LRP4: variants seen among roughly 807,000 people sequenced by gnomAD.
The protein encoded by LRP4 is low-density lipoprotein receptor-related protein 4.
Under a neutral mutation model 220.3 loss-of-function variants are expected in LRP4, and 95 were observed. The observed-to-expected ratio is 0.43, with a 90% CI of 0.37 to 0.51. The LOEUF (loss-of-function observed/expected upper bound fraction) is 0.51. LRP4 is among the 20% of genes least tolerant of loss of function. The pLI is 0.00. For missense variants in LRP4, 1,925 were observed against 2,567.0 expected (o/e 0.75, Z 5.40); for synonymous variants, 903 against 954.6 (o/e 0.95, Z 1.00).
At chr11:46,898,702 T>C in intron 6 of LRP4, 25 bp from the exon 7 acceptor site, 1 of 1,613,474 alleles carries the variant, frequency 6.2e-7, no homozygotes, top group Non-Finnish European at 8.5e-7. Context: ...GACTTCTGTC[T>C]CTAGCCAGTC....
At chr11:46,905,320 T>G (rs781112105) in intron 1 of LRP4, among the ~76,000 whole-genome samples, 5 of 152,198 alleles carry the variant, frequency 3.3e-5, no homozygotes, top group Admixed American at 6.5e-5. Context: ...GAACTCTAGC[T>G]GGATTGAACA....
chr11:46,916,698 C>T (rs915289416), intron 1 of LRP4, among the ~76,000 whole-genome samples: 20 of 151,926 alleles, frequency 1.3e-4, no homozygotes, highest in African/African-American at 4.8e-4. Context: ...CGTTTTAACC[C>T]TAATTTTTTT....
intron 37 of LRP4, 58 bp from the exon 38 acceptor site, chr11:46,859,373 T>C (rs552428836): frequency 2.4e-4 from 320 of 1,308,132 alleles, no homozygotes; most frequent in African/African-American, 1.6e-3. Flanking sequence ...AAGGATCCCA[T>C]GGTAAACTGA....
chr11:46,899,917 G>A lies in LRP4; in HGVS notation c.376C>T (p.Leu126=). 3 of 1,613,938 alleles carry A rather than the reference G, an allele frequency of 1.9e-6. No individual in the cohort carries two copies. The highest frequency in any genetic ancestry group is 2.5e-6 in the Non-Finnish European group (3 of 1,180,040). The change falls in exon 4 of 38, where the codon CTG becomes TTG. Residue 126 remains leucine, a synonymous_variant. Coordinates refer to ENST00000378623, the MANE Select transcript of LRP4 (RefSeq NM_002334.4). The surrounding 1 kb of genome is among the most constrained non-coding windows in gnomAD (Gnocchi z 5.9). ...TCATTGTCACCATCGCAGTGCCACA[G>A]ACTCCGGATGCAGTAGCCATTCTGG... ...PCQNGYCIRS[L]WHCDGDNDCG...
At chr11:46,908,858 G>C (rs1229035356) in intron 1 of LRP4, among the ~76,000 whole-genome samples, 1 of 152,226 alleles carries the variant, frequency 6.6e-6, no homozygotes, top group Non-Finnish European at 1.5e-5. Context: ...TCTTTAGTTT[G>C]TGAGCTACTT....
At chr11:46,917,759 C>A (rs1313032662) in intron 1 of LRP4, among the ~76,000 whole-genome samples, 2 of 152,128 alleles carry the variant, frequency 1.3e-5, no homozygotes, top group Non-Finnish European at 2.9e-5. Context: ...GGAGATGCTG[C>A]CCGCAAACAG....
At position 46,899,552 on chromosome 11, in the gene LRP4, C is replaced by A; in HGVS notation, c.431-49G>T. On this transcript the variant is annotated intron_variant, in intron 4 of 37. Coordinates refer to ENST00000378623, the MANE Select transcript of LRP4 (RefSeq NM_002334.4). The surrounding 1 kb of genome is among the most constrained non-coding windows in gnomAD (Gnocchi z 5.9). ...AGTTCTGAGGGGGCCCCACAGGCAA[C>A]CCTCTCACCCTCCTCTCTGACTCCC... 8.0e-7 allele frequency: 1 copy of A among 1,250,380 alleles called. No homozygotes were observed. The highest frequency in any genetic ancestry group is 1.2e-6 in the Non-Finnish European group (1 of 855,766). 77.5% of individuals were successfully genotyped at this position (1,250,380 alleles called of 1,614,324 possible).
chr11:46,874,917 G>A lies in LRP4; in HGVS notation c.4112C>T (p.Thr1371Ile). ...GACATGCACATCGGTGTGGTCACTG[G>A]TGTCCAGTGAGATACGCCGGATGGA... Reference protein sequence around the residue: ...RGSIRRISLDTSDHTDVHVPV... With the variant: ...RGSIRRISLDISDHTDVHVPV... The change falls in exon 28 of 38, where the codon ACC becomes ATC. Residue 1371 changes from threonine (T) to isoleucine (I), a missense_variant. Physicochemically the swap from Thr to Ile is moderately conservative, Grantham distance 89. This residue lies in a region of LRP4 where 1,244 missense variants were observed against 1,624.9 expected (regional missense o/e 0.77). Transcript: ENST00000378623. 2 of 1,614,186 alleles carry A rather than the reference G, an allele frequency of 1.2e-6. No individual in the cohort carries two copies. Among genetic ancestry groups the A allele is most frequent in the Non-Finnish European group, 1.7e-6 (2 of 1,180,036 alleles).
At chr11:46,900,948 A>G (rs10742785) in intron 2 of LRP4, among the ~76,000 whole-genome samples, 149,491 of 152,236 alleles carry the variant, frequency 0.98, 73,415 homozygotes, top group East Asian at 1. Context: ...TGCCACACCC[A>G]GCTATCTTTT....
intron 1 of LRP4, among the ~76,000 whole-genome samples, chr11:46,911,935 C>T (rs1490893760): frequency 6.6e-6 from 1 of 151,836 alleles, no homozygotes; most frequent in Non-Finnish European, 1.5e-5. Flanking sequence ...CTCTGCCTCC[C>T]AGGTTCAAGC....
chr11:46,918,031 T>C lies in LRP4; in HGVS notation c.52+297A>G, dbSNP rs1941976830. Among the ~76,000 whole-genome samples, 1 of 152,162 alleles carries C rather than the reference T, an allele frequency of 6.6e-6. No individual in the cohort carries two copies. Among genetic ancestry groups the C allele is most frequent in the Admixed American group, 6.5e-5 (1 of 15,290 alleles). On this transcript the variant is annotated intron_variant, in intron 1 of 37. Transcript: ENST00000378623. This position sits in a 1 kb window ranked among gnomAD's most constrained non-coding sequence, Gnocchi z 6.0. Reference sequence around the variant, plus strand: ...CCTGAAAGGGAAGCAGCCCCCGCTCTTGAAAGAGCAGCGAGGGAGGGCGAG... The same window carrying C: ...CCTGAAAGGGAAGCAGCCCCCGCTCCTGAAAGAGCAGCGAGGGAGGGCGAG...
intron 37 of LRP4, chr11:46,861,128 A>G (rs947855559): frequency 2.4e-5 from 4 of 164,882 alleles, no homozygotes; most frequent in Admixed American, 6.5e-5. Flanking sequence ...TCTCAAAGAT[A>G]TTGGGGAGGG....
At chr11:46,863,363 G>A (rs535801033) in intron 36 of LRP4, among the ~76,000 whole-genome samples, 6 of 152,244 alleles carry the variant, frequency 3.9e-5, no homozygotes, top group African/African-American at 1.2e-4. Context: ...ATGGAGAACT[G>A]ATGCACTGAG....
chr11:46,886,096 T>A lies in LRP4; in HGVS notation c.2501A>T (p.Asp834Val). The change falls in exon 18 of 38, where the codon GAT becomes GTT. Residue 834 changes from aspartate (D) to valine (V), a missense_variant. By Grantham distance (152) the Asp-to-Val change is radical. Transcript: ENST00000378623. The stretch of plus-strand genomic sequence containing the variant: ...CACGGCTCCCCTATGCATACCTGCA[T>A]CTGTCCAGTACAGTTTGTTGGTGAC... ...DWVTNKLYWTDAGTDRIEVAN... is the reference protein window; with the variant it reads ...DWVTNKLYWTVAGTDRIEVAN... 1 of 1,614,020 alleles carries A rather than the reference T, an allele frequency of 6.2e-7. No individual in the cohort carries two copies. Among genetic ancestry groups the A allele is most frequent in the Non-Finnish European group, 8.5e-7 (1 of 1,179,978 alleles).
intron 37 of LRP4, among the ~76,000 whole-genome samples, chr11:46,860,258 GA>G (rs921858128): frequency 4.7e-5 from 7 of 150,192 alleles, no homozygotes; most frequent in Non-Finnish European, 1.0e-4. Flanking sequence ...AAGAAAGAAA[GA>G]AAAAAAACTA....
chr11:46,884,823 A>C (rs1941248243), intron 18 of LRP4, among the ~76,000 whole-genome samples: 1 of 151,704 alleles, frequency 6.6e-6, no homozygotes, highest in African/African-American at 2.4e-5. Flanking sequence ...AGGCAGAAGA[A>C]TCCTTTGAAC....
intron 18 of LRP4, 133 bp downstream of exon 18, chr11:46,885,958 C>T: frequency 1.2e-6 from 1 of 804,468 alleles, no homozygotes; most frequent in Non-Finnish European, 2.2e-6. Flanking sequence ...CCTCCGGCTT[C>T]TGACCTACCA....
intron 7 of LRP4, among the ~76,000 whole-genome samples, chr11:46,897,848 C>A (rs1291446318): frequency 6.6e-6 from 1 of 152,260 alleles, no homozygotes; most frequent in Non-Finnish European, 1.5e-5. Flanking sequence ...TTCCACAAAA[C>A]CGCCATTGTC....
chr11:46,895,784 G>A (rs1284811230), intron 10 of LRP4, 100 bp downstream of exon 10: 1 of 1,526,828 alleles, frequency 6.5e-7, no homozygotes, highest in Non-Finnish European at 9.0e-7. Flanking sequence ...GACGAAATGA[G>A]GTCACACCGT....
Sources: gnomAD v4.1 joint callset for allele counts (sites outside exome capture counted in the v4.1 genomes callset) on GRCh38, gnomAD v4.1.1 for gene constraint, gnomAD v4.1.1 regional missense constraint, Gnocchi (gnomAD v3.1) non-coding constraint, MANE v1.5 for transcripts, NCBI Gene and HGNC (gene_info 2026-07-23, HGNC 2026-07-21) for gene names.